Variants in UGT1A3 observed in about 807,000 individuals in gnomAD.
The protein encoded by UGT1A3 is UDP glucuronosyltransferase family 1 member A3.
Under a neutral mutation model 41.0 loss-of-function variants are expected in UGT1A3, and 31 were observed. The observed-to-expected ratio is 0.76, with a 90% confidence interval of 0.57 to 1.02. The LOEUF (loss-of-function observed/expected upper bound fraction) is 1.02. Among genes scored for constraint, UGT1A3 ranks in the 50% least tolerant of loss-of-function variants. UGT1A3 has a pLI of 0.00. For synonymous variants in UGT1A3, 262 were observed against 257.6 expected, an observed-to-expected ratio of 1.02 and a Z score of -0.17; for missense variants, 737 against 671.0, an observed-to-expected ratio of 1.10 and a Z score of -1.09.
At chr2:233,736,786 G>A (rs774557184) in intron 1 of UGT1A3, among the ~76,000 whole-genome samples, 1 of 152,166 alleles carries the variant, frequency 6.6e-6, no homozygotes, top group Non-Finnish European at 1.5e-5. Context: ...CTCAGCTGCA[G>A]GTCTGTTGGA....
At chr2:233,759,591 C>T (rs984696431) in intron 1 of UGT1A3, among the ~76,000 whole-genome samples, 2 of 147,100 alleles carry the variant, frequency 1.4e-5, no homozygotes, top group Non-Finnish European at 3.0e-5. Context: ...GCACGCCCCC[C>T]ACCCCCGACC....
chr2:233,734,094 C>T (rs981980802), intron 1 of UGT1A3, among the ~76,000 whole-genome samples: 3 of 151,762 alleles, frequency 2.0e-5, no homozygotes, highest in African/African-American at 7.3e-5. Flanking sequence ...CACCCTAAAA[C>T]TTAAAGTATA....
rs45547931 is a variant in UGT1A3 at position 233,729,802 on chromosome 2, G to A, written c.676G>A (p.Ala226Thr). ...YPLALSYICH[A>T]FSAPYASLAS... ...TCTGGCCCTGTCCTACATTTGCCAT[G>A]CTTTTTCTGCTCCTTATGCAAGCCT... The change falls in exon 1 of 5, where the codon GCT becomes ACT. Residue 226 changes from alanine to threonine, a missense_variant. Transcript: ENST00000482026. 1.3e-5 allele frequency: 21 copies of A among 1,613,942 alleles called. No homozygotes were observed. The East Asian group carries it at 3.8e-4, about 29-fold the overall frequency.
intron 1 of UGT1A3, among the ~76,000 whole-genome samples, chr2:233,757,777 G>A (rs1409053330): frequency 6.6e-6 from 1 of 151,782 alleles, no homozygotes; most frequent in African/African-American, 2.4e-5. Flanking sequence ...TAATAAGCCT[G>A]TCATTCTGAT....
At position 233,772,405 on chromosome 2, in the gene UGT1A3, G is replaced by T. The variant is rs1176419046; in HGVS notation, c.1451G>T (p.Trp484Leu). Residue 484 changes from tryptophan to leucine, a missense_variant, in exon 5 of 5, where the codon TGG (tryptophan) becomes TTG (leucine). Coordinates refer to ENST00000482026, the MANE Select transcript of UGT1A3 (RefSeq NM_019093.4). ...CGCCCCGCAGCCCACGACCTCACCT[G>T]GTACCAGTACCATTCCTTGGACGTG... ...HLRPAAHDLTWYQYHSLDVIG... is the reference protein window; with the variant it reads ...HLRPAAHDLTLYQYHSLDVIG... 1.2e-6 allele frequency: 2 copies of T among 1,614,224 alleles called. No individual in the cohort carries two copies. Among genetic ancestry groups the T allele is most frequent in the South Asian group, 1.1e-5 (1 of 91,090 alleles).
intron 2 of UGT1A3, among the ~76,000 whole-genome samples, chr2:233,767,645 G>A (rs193254313): frequency 6.6e-5 from 10 of 152,224 alleles, no homozygotes; most frequent in South Asian, 2.1e-4. Context: ...ACAAATTCAC[G>A]TAGTGCATAC....
Position 233,767,033 on chromosome 2 carries a change from G to A in UGT1A3, c.868-1G>A, listed in dbSNP as rs1285708223. The stretch of plus-strand genomic sequence containing the variant: ...ACTGAAAATTTTTCTTCTGGCTCTA[G>A]GAATTTGAAGCCTACATTAATGCTT... On this transcript the variant is annotated splice_acceptor_variant, in intron 1 of 4. Coordinates refer to ENST00000482026, the MANE Select transcript of UGT1A3 (RefSeq NM_019093.4). LOFTEE classifies it high-confidence loss of function. 3 of 1,614,026 alleles carry A rather than the reference G, an allele frequency of 1.9e-6. No individual in the cohort carries two copies. The highest frequency in any genetic ancestry group is 2.5e-6 in the Non-Finnish European group (3 of 1,180,004).
chr2:233,762,134 T>C (rs1697981435), intron 1 of UGT1A3, among the ~76,000 whole-genome samples: 1 of 152,212 alleles, frequency 6.6e-6, no homozygotes, highest in African/African-American at 2.4e-5. Flanking sequence ...TGTGGGGACC[T>C]GTGTGACTTT....
Position 233,772,859 on chromosome 2 carries a change from T to C in UGT1A3, c.*300T>C. 1.4e-6 allele frequency: 1 copy of C among 698,172 alleles called. No homozygotes were observed. Among genetic ancestry groups the C allele is most frequent in the Non-Finnish European group, 2.1e-6 (1 of 477,226 alleles). The allele number at this position is 698,172 out of a possible 1,614,324, so 43.2% of individuals were successfully genotyped here. On this transcript the variant is annotated 3_prime_UTR_variant, in exon 5 of 5. Transcript: ENST00000482026. ...AGATTACTTTTCTTACTCTGAAACA[T>C]GGCCTGTTTGGGAGTGCGGGATTCA...
intron 4 of UGT1A3, 43 bp from the exon 5 acceptor site, chr2:233,772,219 A>G (rs1474444531): frequency 6.2e-7 from 1 of 1,612,704 alleles, no homozygotes; most frequent in East Asian, 2.2e-5. Context: ...GATTGTTCAT[A>G]CCACAGGTGT....
intron 4 of UGT1A3, chr2:233,770,180 T>C (rs1257391797): frequency 6.6e-6 from 1 of 152,250 alleles, no homozygotes; most frequent in Non-Finnish European, 1.5e-5. Context: ...CTCAACTTAT[T>C]AACTAACTTT....
chr2:233,753,256 C>T (rs1695165978), intron 1 of UGT1A3: 1 of 152,214 alleles, frequency 6.6e-6, no homozygotes, highest in African/African-American at 2.4e-5. Flanking sequence ...AGCAACTACC[C>T]AGGCACCTTG....
chr2:233,769,853 G>A lies in UGT1A3; in HGVS notation c.1307+1414G>A. 2 of 388,620 alleles carry A rather than the reference G, an allele frequency of 5.1e-6. No homozygotes were observed. The highest frequency in any genetic ancestry group is 7.0e-5 in the South Asian group (1 of 14,300). The allele number at this position is 388,620 out of a possible 1,614,324, so 24.1% of individuals were successfully genotyped here. A position where few individuals can be genotyped will look rare whatever the true frequency, so the allele number is the denominator to read the frequency against. ...AACCTGGGCAACAGAGTGAGACCCT[G>A]TCTCAAAAAAAAAAAAAAAAATGAA... is the stretch of plus-strand genomic sequence containing the variant. On this transcript the variant is annotated intron_variant, in intron 4 of 4. Transcript: ENST00000482026. This position sits in a 1 kb window ranked among gnomAD's most constrained non-coding sequence, Gnocchi z 4.4.
chr2:233,763,933 G>A (rs1374530707), intron 1 of UGT1A3, among the ~76,000 whole-genome samples: 1 of 152,232 alleles, frequency 6.6e-6, no homozygotes, highest in African/African-American at 2.4e-5. Context: ...ATGGCCAGGA[G>A]AGGAAAGCTT....
intron 1 of UGT1A3, among the ~76,000 whole-genome samples, chr2:233,765,887 T>C (rs1279202147): frequency 1.3e-5 from 2 of 152,030 alleles, no homozygotes; most frequent in African/African-American, 2.4e-5. Flanking sequence ...ACTTTCTCAG[T>C]GCGCCACTGC....
rs572113839 is a variant in UGT1A3, at chr2:233,733,665, C to T, written c.867+3672C>T. Among the ~76,000 whole-genome samples the T allele has an allele frequency of 5.3e-5, 8 of 152,280 alleles. No individual in the cohort carries two copies. The East Asian group carries it at 7.7e-4, about 15-fold the overall frequency. ...ATCCCAAGGATGAAGCCGACTTGAT[C>T]GATGTGGATAAACTTTTTGATGTGC... On this transcript the variant is annotated intron_variant, in intron 1 of 4. Transcript: ENST00000482026.
chr2:233,755,220 T>A, intron 1 of UGT1A3: 1 of 1,009,650 alleles, frequency 9.9e-7, no homozygotes, highest in South Asian at 1.3e-5. Context: ...CTTGATACCC[T>A]CGGACGAGGC....
intron 1 of UGT1A3, chr2:233,744,083 G>T: frequency 2.3e-6 from 1 of 437,754 alleles, no homozygotes; most frequent in South Asian, 2.0e-5. Flanking sequence ...CGCATCCCAA[G>T]ATGCAGTGCT....
Position 233,769,622 on chromosome 2 carries a change from G to A in UGT1A3, c.1307+1183G>A, listed in dbSNP as rs926017310. 24 of 1,612,268 alleles carry A rather than the reference G, an allele frequency of 1.5e-5. No homozygotes were observed. Among genetic ancestry groups the A allele is most frequent in the Non-Finnish European group, 1.8e-5 (21 of 1,179,686 alleles). ...CACGGGGACACACCAGCTTGAGCAAGGGACAACAGGGGAGGACTGATGACT... is the reference window on the plus strand; with the variant it reads ...CACGGGGACACACCAGCTTGAGCAAAGGACAACAGGGGAGGACTGATGACT... On this transcript the variant is annotated intron_variant, in intron 4 of 4. Transcript: ENST00000482026. The surrounding 1 kb of genome is among the most constrained non-coding windows in gnomAD (Gnocchi z 4.4).
Sources: gnomAD v4.1 joint callset for allele counts (sites outside exome capture counted in the v4.1 genomes callset) on GRCh38, gnomAD v4.1.1 for gene constraint, Gnocchi (gnomAD v3.1) non-coding constraint, MANE v1.5 for transcripts, NCBI Gene and HGNC (gene_info 2026-07-23, HGNC 2026-07-21) for gene names.